PPP2R5B: variants seen among roughly 807,000 people sequenced by gnomAD.
PPP2R5B encodes protein phosphatase 2 regulatory subunit B'beta.
PPP2R5B carries 19 observed loss-of-function variants against 59.9 expected under a neutral mutation model. That is an observed-to-expected ratio of 0.32 (90% CI 0.22 to 0.47). The LOEUF is 0.47. Among genes scored for constraint, PPP2R5B ranks in the 20% least tolerant of loss-of-function variants. PPP2R5B has a pLI of 1.00. For missense variants in PPP2R5B, 441 were observed against 640.2 expected (o/e 0.69, Z 3.36); for synonymous variants, 286 against 260.5 (o/e 1.10, Z -0.94).
Position 64,928,405 on chromosome 11 carries a change from G to A in PPP2R5B, c.702G>A (p.Gln234=). The A allele has an allele frequency of 6.2e-7, 1 of 1,614,254 alleles. No individual in the cohort carries two copies. The highest frequency in any genetic ancestry group is 8.5e-7 in the Non-Finnish European group (1 of 1,180,040). ...GTCTCCGGGCCTACATCCGCAAACA[G>A]TGCAACCACATCTTCCTCCGGTGAG... ...FLGLRAYIRK[Q]CNHIFLRFIY... is the part of the protein sequence containing the mutation. Residue 234 remains glutamine (Q), a synonymous_variant, in exon 6 of 14, where the codon CAG becomes CAA. Transcript: ENST00000164133.
At position 64,930,526 on chromosome 11, in the gene PPP2R5B, G is replaced by A; in HGVS notation, c.828G>A (p.Gln276=). ...TGCCCCTGAAGACGGAGCACAAGCA[G>A]TTCCTGGTTCGCGTCCTGATCCCCC... ...FALPLKTEHK[Q]FLVRVLIPLH... Residue 276 remains glutamine (Q), a synonymous_variant, in exon 8 of 14, where the codon CAG becomes CAA. Coordinates refer to ENST00000164133, the MANE Select transcript of PPP2R5B (RefSeq NM_006244.4). The A allele has an allele frequency of 6.2e-7, 1 of 1,614,204 alleles. No individual in the cohort carries two copies. The highest frequency in any genetic ancestry group is 1.7e-5 in the Admixed American group (1 of 60,034).
upstream of PPP2R5B, among the ~76,000 whole-genome samples, chr11:64,921,118 G>C (rs1305393747): frequency 6.6e-6 from 1 of 151,660 alleles, no homozygotes; most frequent in East Asian, 1.9e-4. Context: ...ACCATGCCCA[G>C]CTAATTTTTC....
chr11:64,919,655 G>GT (rs1442599923), intron 1 of PPP2R5B, among the ~76,000 whole-genome samples: 3 of 152,108 alleles, frequency 2.0e-5, no homozygotes, highest in African/African-American at 7.2e-5. Context: ...GGAGTTTGAA[G>GT]TTGCAGTGAA....
At chr11:64,926,579 C>A in intron 2 of PPP2R5B, 133 bp from the exon 3 acceptor site, 1 of 899,832 alleles carries the variant, frequency 1.1e-6, no homozygotes, top group Non-Finnish European at 1.7e-6. Flanking sequence ...CTGCAAGGAG[C>A]AGGAGATGGC....
intron 2 of PPP2R5B, 133 bp downstream of exon 2, chr11:64,926,066 A>G (rs1284504676): frequency 2.2e-6 from 2 of 920,302 alleles, no homozygotes; most frequent in Non-Finnish European, 3.2e-6. Flanking sequence ...GTTCTCCGCC[A>G]TCAGAACTGA....
intron 1 of PPP2R5B, among the ~76,000 whole-genome samples, chr11:64,918,877 C>G (rs997633464): frequency 6.6e-6 from 1 of 152,242 alleles, no homozygotes; most frequent in Non-Finnish European, 1.5e-5. Flanking sequence ...CGCCCTGGCC[C>G]ACCGGGCAGG....
upstream of PPP2R5B, among the ~76,000 whole-genome samples, chr11:64,919,983 C>T (rs1013060163): frequency 3.3e-5 from 5 of 152,002 alleles, no homozygotes; most frequent in African/African-American, 1.2e-4. Context: ...CAGTGGCTTA[C>T]ACGTGTAATC....
upstream of PPP2R5B, among the ~76,000 whole-genome samples, chr11:64,921,103 G>A (rs1009657418): frequency 2.0e-5 from 3 of 151,368 alleles, no homozygotes; most frequent in East Asian, 1.9e-4. Context: ...CTATAGGCTC[G>A]TGCCACCATG....
intron 1 of PPP2R5B, among the ~76,000 whole-genome samples, chr11:64,918,994 C>A (rs1382800462): frequency 2.6e-5 from 4 of 152,110 alleles, no homozygotes; most frequent in Non-Finnish European, 5.9e-5. Context: ...AGTTCATTAC[C>A]TGGAAGGAGC....
chr11:64,932,629 A>G, intron 11 of PPP2R5B, 136 bp from the exon 12 acceptor site: 4 of 1,083,264 alleles, frequency 3.7e-6, no homozygotes, highest in East Asian at 2.4e-5. Context: ...TGCTTCCTCC[A>G]GGGCTCAGAT....
At chr11:64,928,912 G>A (rs1945199741) in intron 6 of PPP2R5B, among the ~76,000 whole-genome samples, 1 of 151,736 alleles carries the variant, frequency 6.6e-6, no homozygotes, top group South Asian at 2.1e-4. Context: ...AGTTTACAGT[G>A]AGCCGAGATC....
Position 64,931,971 on chromosome 11 carries a change from G to C in PPP2R5B, c.1116+103G>C. 1 of 1,516,606 alleles carries C rather than the reference G, an allele frequency of 6.6e-7. No homozygotes were observed. Among genetic ancestry groups the C allele is most frequent in the South Asian group, 1.3e-5 (1 of 77,938 alleles). The allele number at this position is 1,516,606 out of a possible 1,614,324, so 93.9% of individuals were successfully genotyped here. ...TGCCCTCAGTTTCTCCTCCAATCCC[G>C]GGTCTGGTAATGGGGAGATGCTGGA... On this transcript the variant is annotated intron_variant, in intron 11 of 13. Coordinates refer to ENST00000164133, the MANE Select transcript of PPP2R5B (RefSeq NM_006244.4). The surrounding 1 kb of genome is among the most constrained non-coding windows in gnomAD (Gnocchi z 5.0).
rs528256782 is a variant in PPP2R5B at position 64,925,700 on chromosome 11, G to A, written c.-35G>A. On this transcript the variant is annotated 5_prime_UTR_variant, in exon 2 of 14. Coordinates refer to ENST00000164133, the MANE Select transcript of PPP2R5B (RefSeq NM_006244.4). The surrounding 1 kb of genome is among the most constrained non-coding windows in gnomAD (Gnocchi z 4.6). ...CCTCCCAGGCCCAGAGAGAACCCCCGGGGCTCTGAAAGCTTGCCCTGCCGC... is the reference window on the plus strand; with the variant it reads ...CCTCCCAGGCCCAGAGAGAACCCCCAGGGCTCTGAAAGCTTGCCCTGCCGC... The A allele has an allele frequency of 4.5e-5, 57 of 1,279,266 alleles. No homozygotes were observed. The African/African-American group carries it at 5.1e-4, about 12-fold the overall frequency. The allele number at this position is 1,279,266 out of a possible 1,614,324, so 79.2% of individuals were successfully genotyped here.
In PPP2R5B at chr11:64,925,067, AAGG is replaced by A. The variant is rs1042044305; in HGVS notation, c.-265+45_-265+47del. 1.3e-5 allele frequency: 2 copies of A among 152,336 alleles called. No individual in the cohort carries two copies. The highest frequency in any genetic ancestry group is 2.9e-5 in the Non-Finnish European group (2 of 68,146). The allele number at this position is 152,336 out of a possible 1,614,324, so 9.4% of individuals were successfully genotyped here. A position where few individuals can be genotyped will look rare whatever the true frequency, so the allele number is the denominator to read the frequency against. On this transcript the variant is annotated intron_variant, in intron 1 of 13. Transcript: ENST00000164133. The surrounding 1 kb of genome is among the most constrained non-coding windows in gnomAD (Gnocchi z 4.6). ...ACCCCATGAGGTTTGGGGGGCCAGG[AAGG>A]AGGAGCTGAGGTGGGGGAGGGTGCC... is the stretch of plus-strand genomic sequence containing the variant.
In PPP2R5B at chr11:64,933,713, C is replaced by A. The variant is rs146213589; in HGVS notation, c.1363C>A (p.Gln455Lys). 493 of 1,556,058 alleles carry A rather than the reference C, an allele frequency of 3.2e-4. 1 individual carries two copies. Among genetic ancestry groups the A allele is most frequent in the Admixed American group, 1.6e-4 (8 of 51,462 alleles). ...LEKQQEQQKA[Q>K]ERQELWQGLE... ...TCTCCCCAGGGAGCAGCAGAAGGCC[C>A]AGGAGCGTCAGGAGTTATGGCAAGG... The change falls in exon 14 of 14, where the codon CAG becomes AAG. Residue 455 changes from glutamine to lysine, a missense_variant. Gln to Lys is a moderately conservative substitution (Grantham distance 53). This residue lies in a region of PPP2R5B where 70 missense variants were observed against 64.2 expected (regional missense o/e 1.09). Transcript: ENST00000164133.
intron 1 of PPP2R5B, among the ~76,000 whole-genome samples, chr11:64,918,086 G>C (rs145119117): frequency 1.3e-5 from 2 of 152,268 alleles, no homozygotes; most frequent in African/African-American, 4.8e-5. Flanking sequence ...AACTTTTCAT[G>C]GCATGTGAAA....
rs369675898 is a variant in PPP2R5B at position 64,933,180 on chromosome 11, C to T, written c.1280C>T (p.Thr427Ile). The change falls in exon 13 of 14, where the codon ACC becomes ATC. Residue 427 changes from threonine to isoleucine, a missense_variant. By Grantham distance (89) the Thr-to-Ile change is moderately conservative. Transcript: ENST00000164133. ...TCACTGATCTACAATGTGCTCAAGA[C>T]CTTCATGGAGATGAATGGGAAGCTG... is the stretch of plus-strand genomic sequence containing the variant. ...IVSLIYNVLK[T>I]FMEMNGKLFD... is the part of the protein sequence containing the mutation. 5.0e-6 allele frequency: 8 copies of T among 1,613,346 alleles called. No individual in the cohort carries two copies. The South Asian group carries it at 8.8e-5, about 18-fold the overall frequency.
In PPP2R5B at chr11:64,931,689, T is replaced by C. The variant is rs993861754; in HGVS notation, c.997-60T>C. 1 of 1,613,966 alleles carries C rather than the reference T, an allele frequency of 6.2e-7. No homozygotes were observed. Among genetic ancestry groups the C allele is most frequent in the Non-Finnish European group, 8.5e-7 (1 of 1,179,938 alleles). On this transcript the variant is annotated intron_variant, in intron 10 of 13. Coordinates refer to ENST00000164133, the MANE Select transcript of PPP2R5B (RefSeq NM_006244.4). This position sits in a 1 kb window ranked among gnomAD's most constrained non-coding sequence, Gnocchi z 5.0. Reference sequence around the variant, plus strand: ...TAGAAGGCAGTCAGGTGTGTGTATGTGTAGGGGGAGATGTGAGCTGCTGCC... The same window carrying C: ...TAGAAGGCAGTCAGGTGTGTGTATGCGTAGGGGGAGATGTGAGCTGCTGCC...
Position 64,933,818 on chromosome 11 carries a change from G to T in PPP2R5B, c.1468G>T (p.Val490Leu). 6.5e-7 allele frequency: 1 copy of T among 1,548,498 alleles called. No homozygotes were observed. The highest frequency in any genetic ancestry group is 8.7e-7 in the Non-Finnish European group (1 of 1,146,546). The change falls in exon 14 of 14, where the codon GTG becomes TTG. Residue 490 changes from valine to leucine, a missense_variant. Physicochemically the swap from Val to Leu is conservative, Grantham distance 32. This residue lies in a region of PPP2R5B where 70 missense variants were observed against 64.2 expected (regional missense o/e 1.09). Transcript: ENST00000164133. ...CCCCCTCCAGCGGCTTACACCCCAG[G>T]TGGCCGCCAGTGGGGGTCAGAGCTA... ...EAPLQRLTPQ[V>L]AASGGQS
Sources: allele counts gnomAD v4.1 joint callset (sites outside exome capture counted in the v4.1 genomes callset), GRCh38; gene constraint gnomAD v4.1.1; regional missense constraint gnomAD v4.1.1; non-coding constraint Gnocchi (gnomAD v3.1); transcripts MANE v1.5; gene names NCBI Gene and HGNC (gene_info 2026-07-23, HGNC 2026-07-21).